The following IARS1 variants were observed in gnomAD, a reference collection of about 807,000 sequenced individuals.
The protein encoded by IARS1 is isoleucyl-tRNA synthetase 1.
A neutral mutation model predicts 168.2 loss-of-function variants in IARS1; 124 were observed. The ratio of observed to expected loss-of-function variants is 0.74; its 90% confidence interval spans 0.64 to 0.86. The LOEUF (loss-of-function observed/expected upper bound fraction) is 0.86. IARS1 is among the 40% of genes least tolerant of loss of function. IARS1 has a pLI of 0.00. For synonymous variants in IARS1, 532 were observed against 529.4 expected, an observed-to-expected ratio of 1.00 and a Z score of -0.07; for missense variants, 1,452 against 1,515.8, an observed-to-expected ratio of 0.96 and a Z score of 0.70.
Position 92,288,378 on chromosome 9 carries a change from G to A in IARS1, c.120-96C>T, listed in dbSNP as rs1277752247. 3.9e-5 allele frequency: 38 copies of A among 963,224 alleles called. 2 individuals are homozygous for A. The South Asian group carries it at 5.2e-4, about 13-fold the overall frequency. The allele number at this position is 963,224 out of a possible 1,614,324, so 59.7% of individuals were successfully genotyped here. On this transcript the variant is annotated intron_variant, in intron 2 of 33. Coordinates refer to ENST00000443024, the MANE Select transcript of IARS1 (RefSeq NM_002161.6). ...CTCTTGTCATAGTGGAGTCTTCAAG[G>A]AGAAAAGCAGCAAGATCAGGAAACC...
At chr9:92,275,086 C>T (rs957143927) in intron 9 of IARS1, among the ~76,000 whole-genome samples, 3 of 152,216 alleles carry the variant, frequency 2.0e-5, no homozygotes, top group Admixed American at 2.0e-4. Flanking sequence ...CATGTTAATA[C>T]ATATAATGCT....
chr9:92,243,293 C>T lies in IARS1; in HGVS notation c.2923G>A (p.Val975Ile), dbSNP rs758447560. ...SDAQALVLLD[V>I]TPDQSMVDEG... is the part of the protein sequence containing the mutation. ...TCTACCATTGACTGGTCAGGAGTGA[C>T]ATCTAAGAGGACCAAAGCCTGTGGG... Residue 975 changes from valine to isoleucine, a missense_variant, in exon 28 of 34, where the codon GTC (valine) becomes ATC (isoleucine). Coordinates refer to ENST00000443024, the MANE Select transcript of IARS1 (RefSeq NM_002161.6). The T allele has an allele frequency of 5.6e-6, 9 of 1,613,030 alleles. No homozygotes were observed. The South Asian group carries it at 7.7e-5, about 14-fold the overall frequency.
At chr9:92,226,317 A>T (rs1019702507) in intron 31 of IARS1, among the ~76,000 whole-genome samples, 1 of 152,184 alleles carries the variant, frequency 6.6e-6, no homozygotes, top group African/African-American at 2.4e-5. Flanking sequence ...CCCTGACAAC[A>T]TTTGAGTCTG....
At chr9:92,277,781 G>C in intron 9 of IARS1, 82 bp downstream of exon 9, 1 of 1,143,340 alleles carries the variant, frequency 8.7e-7, no homozygotes. Context: ...TAAAAGTAAT[G>C]TCAATTCCAC....
chr9:92,287,999 C>T (rs1484174538), intron 3 of IARS1, 89 bp from the exon 4 acceptor site: 1 of 1,553,030 alleles, frequency 6.4e-7, no homozygotes, highest in Non-Finnish European at 8.8e-7. Context: ...AATCAAACTA[C>T]AAATATTATA....
chr9:92,290,498 T>G (rs1248536746), intron 1 of IARS1, among the ~76,000 whole-genome samples: 2 of 152,218 alleles, frequency 1.3e-5, no homozygotes, highest in Non-Finnish European at 2.9e-5. Context: ...GGCCGTCTTT[T>G]TATTTTCTTG....
chr9:92,239,467 CTTTT>C lies in IARS1; in HGVS notation c.3283+1385_3283+1388del, dbSNP rs1185898253. 1.3e-5 allele frequency among the ~76,000 whole-genome samples: 2 copies of C among 152,116 alleles called. 1 individual carries two copies. Among genetic ancestry groups the C allele is most frequent in the Non-Finnish European group, 2.9e-5 (2 of 68,034 alleles). On this transcript the variant is annotated intron_variant, in intron 30 of 33. Coordinates refer to ENST00000443024, the MANE Select transcript of IARS1 (RefSeq NM_002161.6). ...TATATCTTTTTCACTGCACACAAGA[CTTTT>C]TTTGTCTTTGGTTTTCAAAAGTTTG...
intron 5 of IARS1, chr9:92,286,047 A>G (rs1835403012): frequency 6.1e-6 from 3 of 493,080 alleles, no homozygotes; most frequent in Non-Finnish European, 1.1e-5. Context: ...CTGATATCGA[A>G]TGATATTTAA....
intron 33 of IARS1, 104 bp downstream of exon 33, chr9:92,222,416 G>A: frequency 4.7e-6 from 3 of 639,128 alleles, no homozygotes; most frequent in Non-Finnish European, 4.9e-6. Flanking sequence ...TAACAAAACA[G>A]GATAACAATA....
intron 13 of IARS1, among the ~76,000 whole-genome samples, chr9:92,269,536 A>T (rs1006792456): frequency 2.0e-5 from 3 of 152,212 alleles, no homozygotes; most frequent in African/African-American, 7.2e-5. Flanking sequence ...TCTGAAAATA[A>T]TGTTTACTCT....
chr9:92,253,721 C>T, intron 20 of IARS1: 1 of 511,818 alleles, frequency 2.0e-6, no homozygotes, highest in South Asian at 1.8e-5. Context: ...AAGCCAAAAA[C>T]TCCAGTATGT....
chr9:92,251,388 AT>A lies in IARS1; in HGVS notation c.2307+419del, dbSNP rs546956674. 5.1e-4 allele frequency among the ~76,000 whole-genome samples: 77 copies of A among 152,314 alleles called. 1 individual carries two copies. In the Middle Eastern group the frequency reaches 0.014, roughly 27 times the overall value. ...AACTGATAAGAACATATATCAAACA[AT>A]TACTTGCACGTTTTCCTCTCAATGC... On this transcript the variant is annotated intron_variant, in intron 22 of 33. Coordinates refer to ENST00000443024, the MANE Select transcript of IARS1 (RefSeq NM_002161.6).
In IARS1 at chr9:92,210,623, T is replaced by C. The variant is rs1481208543; in HGVS notation, c.*184A>G. 4 of 551,600 alleles carry C rather than the reference T, an allele frequency of 7.3e-6. No individual in the cohort carries two copies. Among genetic ancestry groups the C allele is most frequent in the East Asian group, 5.9e-5 (2 of 34,080 alleles). 34.2% of individuals were successfully genotyped at this position (551,600 alleles called of 1,614,324 possible). A position where few individuals can be genotyped will look rare whatever the true frequency, so the allele number is the denominator to read the frequency against. ...AGGTGTCTAAGGTTAAGTGTGAAGATTACTGTGAGGTCTCAAGTTACTTGA... is the reference window on the plus strand; with the variant it reads ...AGGTGTCTAAGGTTAAGTGTGAAGACTACTGTGAGGTCTCAAGTTACTTGA... On this transcript the variant is annotated 3_prime_UTR_variant, in exon 34 of 34. Transcript: ENST00000443024.
chr9:92,281,780 A>T (rs1214022996), intron 6 of IARS1, among the ~76,000 whole-genome samples: 1 of 152,188 alleles, frequency 6.6e-6, no homozygotes. Context: ...AAATAAAGTG[A>T]CACGAGAGCC....
intron 31 of IARS1, among the ~76,000 whole-genome samples, chr9:92,225,743 T>C (rs1360941397): frequency 6.6e-6 from 1 of 152,068 alleles, no homozygotes; most frequent in Non-Finnish European, 1.5e-5. Flanking sequence ...GACCTGGTTC[T>C]GGGTAATGGC....
chr9:92,224,539 G>A (rs188834994), intron 31 of IARS1, among the ~76,000 whole-genome samples: 8 of 152,290 alleles, frequency 5.3e-5, no homozygotes, highest in African/African-American at 1.7e-4. Flanking sequence ...TATGAATGAG[G>A]ATCTAAAAAT....
chr9:92,226,069 C>T (rs1045961970), intron 31 of IARS1, among the ~76,000 whole-genome samples: 5 of 152,178 alleles, frequency 3.3e-5, no homozygotes, highest in African/African-American at 9.7e-5. Context: ...CTCATCCTAC[C>T]GTGACTTTAG....
At chr9:92,227,399 T>G (rs1273880069) in intron 31 of IARS1, among the ~76,000 whole-genome samples, 1 of 139,764 alleles carries the variant, frequency 7.2e-6, no homozygotes. Flanking sequence ...GAGGCGCCCC[T>G]CACCTCCCGG....
chr9:92,275,253 T>C (rs1162350588), intron 9 of IARS1, among the ~76,000 whole-genome samples: 1 of 152,210 alleles, frequency 6.6e-6, no homozygotes, highest in Admixed American at 6.5e-5. Context: ...AACAAGCTAT[T>C]AGTAGTCCCA....
Sources: allele counts gnomAD v4.1 joint callset (sites outside exome capture counted in the v4.1 genomes callset), GRCh38; gene constraint gnomAD v4.1.1; transcripts MANE v1.5; gene names NCBI Gene and HGNC (gene_info 2026-07-23, HGNC 2026-07-21).